The following ESRRG variants were observed in gnomAD, a reference collection of about 807,000 sequenced individuals.
ESRRG encodes estrogen-related receptor gamma.
Under a neutral mutation model 44.0 loss-of-function variants are expected in ESRRG, and 13 were observed. The ratio of observed to expected loss-of-function variants is 0.30; its 90% CI spans 0.19 to 0.47. ESRRG has a LOEUF of 0.47. Among genes scored for constraint, ESRRG ranks in the 20% least tolerant of loss-of-function variants. ESRRG has a pLI of 1.00. For synonymous variants in ESRRG, 215 were observed against 214.6 expected (o/e 1.00, Z -0.02); for missense variants, 395 against 580.6 (o/e 0.68, Z 3.29).
intron 1 of ESRRG, among the ~76,000 whole-genome samples, chr1:216,996,607 A>G (rs1473705318): frequency 6.6e-6 from 1 of 152,160 alleles, no homozygotes; most frequent in Non-Finnish European, 1.5e-5. Context: ...AGGTAAAAAT[A>G]TTTACAATCT....
At chr1:216,883,950 A>T (rs534026730) in intron 2 of ESRRG, among the ~76,000 whole-genome samples, 1 of 152,326 alleles carries the variant, frequency 6.6e-6, no homozygotes, top group Admixed American at 6.5e-5. Flanking sequence ...TATGTAATTT[A>T]AAAAAATTAA....
At chr1:216,890,788 T>C (rs1320953939) in intron 2 of ESRRG, among the ~76,000 whole-genome samples, 2 of 152,174 alleles carry the variant, frequency 1.3e-5, no homozygotes, top group African/African-American at 4.8e-5. Flanking sequence ...TAAACACACA[T>C]GTAGTTTCAA....
chr1:216,788,229 T>A (rs2094197038), intron 2 of ESRRG, among the ~76,000 whole-genome samples: 1 of 152,150 alleles, frequency 6.6e-6, no homozygotes, highest in Non-Finnish European at 1.5e-5. Flanking sequence ...CTAGGACTTT[T>A]ATAGCCAGGA....
intron 5 of ESRRG, among the ~76,000 whole-genome samples, chr1:216,537,114 C>T (rs986553520): frequency 7.9e-5 from 12 of 151,970 alleles, no homozygotes; most frequent in Admixed American, 5.9e-4. Flanking sequence ...GAAATCCTAT[C>T]GCCAAAGGTA....
chr1:216,735,339 A>G (rs2089675483), intron 2 of ESRRG, among the ~76,000 whole-genome samples: 1 of 150,994 alleles, frequency 6.6e-6, no homozygotes, highest in South Asian at 2.1e-4. Context: ...CTCCTGAGTA[A>G]CTGGGTGTGT....
At chr1:216,550,571 A>G (rs2055987980) in intron 5 of ESRRG, among the ~76,000 whole-genome samples, 1 of 152,126 alleles carries the variant, frequency 6.6e-6, no homozygotes, top group South Asian at 2.1e-4. Flanking sequence ...AGAGCTTGAT[A>G]AGAGGATAAC....
At chr1:216,599,521 A>T (rs1488480562) in intron 3 of ESRRG, among the ~76,000 whole-genome samples, 1 of 152,196 alleles carries the variant, frequency 6.6e-6, no homozygotes, top group Non-Finnish European at 1.5e-5. Flanking sequence ...CAAGTATTCC[A>T]TATTTTCAGC....
intron 2 of ESRRG, among the ~76,000 whole-genome samples, chr1:216,674,416 A>T (rs1434825491): frequency 6.6e-6 from 1 of 152,224 alleles, no homozygotes; most frequent in Admixed American, 6.5e-5. Context: ...GTAAGAAAAT[A>T]TCAATAAATA....
At chr1:216,976,200 CA>C (rs1234151986) in intron 1 of ESRRG, among the ~76,000 whole-genome samples, 2 of 151,816 alleles carry the variant, frequency 1.3e-5, no homozygotes, top group Non-Finnish European at 2.9e-5. Flanking sequence ...ATAAAAAATA[CA>C]AATCACTCTA....
At position 216,831,914 on chromosome 1, in the gene ESRRG, T is replaced by G. The variant is rs554022892; in HGVS notation, c.-14+107668A>C. 5.9e-5 allele frequency among the ~76,000 whole-genome samples: 9 copies of G among 152,276 alleles called. No homozygotes were observed. The South Asian group carries it at 1.9e-3, about 32-fold the overall frequency. ...TTTTTTAAAAATAGAAGACTATTAT[T>G]TATTGTTCTTTTTTCCCCAAAGATG... is the stretch of plus-strand genomic sequence containing the variant. On this transcript the variant is annotated intron_variant, in intron 2 of 7. Transcript: ENST00000359162.
chr1:216,696,634 A>G (rs186466137), intron 1 of ESRRG, among the ~76,000 whole-genome samples: 1 of 152,220 alleles, frequency 6.6e-6, no homozygotes, highest in Non-Finnish European at 1.5e-5. Context: ...AAGATTATTT[A>G]TATCATAGTT....
At chr1:217,103,101 G>A (rs1158422867) in intron 1 of ESRRG, among the ~76,000 whole-genome samples, 2 of 151,778 alleles carry the variant, frequency 1.3e-5, no homozygotes, top group Non-Finnish European at 2.9e-5. Context: ...GGAAGGCTTG[G>A]ATTGGAGATT....
At chr1:216,598,667 C>CA (rs1156248967) in intron 3 of ESRRG, among the ~76,000 whole-genome samples, 1 of 152,082 alleles carries the variant, frequency 6.6e-6, no homozygotes, top group African/African-American at 2.4e-5. Flanking sequence ...GCTGTGCTCT[C>CA]ACAGCAAGTC....
At position 216,734,418 on chromosome 1, in the gene ESRRG, C is replaced by T. The variant is rs149884181; in HGVS notation, c.-13-56927G>A. ...GTCAGGAATGGCTTGGTGCTGTCCT[C>T]GCAGTGATGAGTGTGTTCTCACTCT... is the stretch of plus-strand genomic sequence containing the variant. On this transcript the variant is annotated intron_variant, in intron 2 of 7. Transcript: ENST00000359162. Among the ~76,000 whole-genome samples the T allele has an allele frequency of 8.0e-4, 122 of 152,154 alleles. 2 individuals are homozygous for T. The East Asian group carries it at 0.012, about 15-fold the overall frequency.
At chr1:216,698,291 G>A (rs553558542) in intron 1 of ESRRG, among the ~76,000 whole-genome samples, 12 of 151,876 alleles carry the variant, frequency 7.9e-5, no homozygotes, top group African/African-American at 2.7e-4. Context: ...GCCGAGGCAG[G>A]TGGATCACGA....
chr1:216,763,715 C>G (rs17043733), intron 2 of ESRRG, among the ~76,000 whole-genome samples: 2,716 of 152,100 alleles, frequency 0.018, 77 homozygotes, highest in African/African-American at 0.06. Context: ...CATGGGCAGT[C>G]ACATGAAGAG....
intron 2 of ESRRG, among the ~76,000 whole-genome samples, chr1:216,797,705 C>T (rs1441747428): frequency 6.6e-6 from 1 of 152,054 alleles, no homozygotes; most frequent in Non-Finnish European, 1.5e-5. Context: ...AGACCACAGA[C>T]CTAGATGTTG....
rs142399586 is a variant in ESRRG, at chr1:216,591,498, G to T, written c.590-23400C>A. 2.9e-4 allele frequency among the ~76,000 whole-genome samples: 44 copies of T among 152,288 alleles called. No homozygotes were observed. In the East Asian group the frequency reaches 8.5e-3, roughly 29 times the overall value. ...CCCAGTTGGTGCCTAGAGAATCAGAGAACTGATTGTTGGTGTTTGAAAACA... is the reference window on the plus strand; with the variant it reads ...CCCAGTTGGTGCCTAGAGAATCAGATAACTGATTGTTGGTGTTTGAAAACA... On this transcript the variant is annotated intron_variant, in intron 3 of 6. Transcript: ENST00000408911.
intron 1 of ESRRG, among the ~76,000 whole-genome samples, chr1:217,097,102 C>T (rs1322424297): frequency 6.6e-6 from 1 of 152,110 alleles, no homozygotes; most frequent in South Asian, 2.1e-4. Context: ...GTAGTCCCAG[C>T]TACTCAGGAG....
Sources: allele counts gnomAD v4.1 joint callset (sites outside exome capture counted in the v4.1 genomes callset), GRCh38; gene constraint gnomAD v4.1.1; transcripts MANE v1.5; gene names NCBI Gene and HGNC (gene_info 2026-07-23, HGNC 2026-07-21).